The following VPS37A variants were observed in gnomAD, a reference collection of about 807,000 sequenced individuals.
VPS37A encodes the protein vacuolar protein sorting-associated protein 37A.
In VPS37A, 30 loss-of-function variants were observed where a neutral mutation model predicts 49.8. That is an observed-to-expected ratio of 0.60 (90% CI 0.45 to 0.82). VPS37A has a LOEUF of 0.82. Ranked by LOEUF, VPS37A falls within the 40% of genes least tolerant of loss-of-function variation. The pLI, the probability that VPS37A is intolerant of heterozygous loss-of-function variation, is 0.00. For missense variants in VPS37A, 593 were observed against 464.4 expected, an observed-to-expected ratio of 1.28 and a Z score of -2.55; for synonymous variants, 195 against 160.6, an observed-to-expected ratio of 1.21 and a Z score of -1.62.
intron 1 of VPS37A, among the ~76,000 whole-genome samples, chr8:17,259,653 A>C (rs80215772): frequency 0.027 from 4,061 of 152,204 alleles, 191 homozygotes; most frequent in African/African-American, 0.093. Flanking sequence ...TGATCTTTGC[A>C]TTACTGATAG....
At chr8:17,303,536 T>G (rs1294084255), downstream of VPS37A, among the ~76,000 whole-genome samples, 2 of 152,004 alleles carry the variant, frequency 1.3e-5, no homozygotes, top group African/African-American at 4.8e-5. Context: ...GGAAAAAACA[T>G]ACGTATCTAG....
At chr8:17,288,085 C>T (rs1815783421) in intron 11 of VPS37A, among the ~76,000 whole-genome samples, 1 of 152,144 alleles carries the variant, frequency 6.6e-6, no homozygotes, top group African/African-American at 2.4e-5. Context: ...AGGGTAGGGG[C>T]TGATTTTTGA....
chr8:17,247,714 T>G, intron 1 of VPS37A: 1 of 702,704 alleles, frequency 1.4e-6, no homozygotes, highest in Non-Finnish European at 2.6e-6. Flanking sequence ...TTTGCCCACC[T>G]GATTGCCGCG....
rs572664761 is a variant in VPS37A, at chr8:17,247,665, G to C, written c.125+296G>C. The C allele has an allele frequency of 1.4e-5, 10 of 703,676 alleles. No individual in the cohort carries two copies. In the African/African-American group the frequency reaches 1.6e-4, roughly 11 times the overall value. 43.6% of individuals were successfully genotyped at this position (703,676 alleles called of 1,614,324 possible). ...CAATCTCTCTCATAGTCTATTTCCA[G>C]TATCCCTTGCTGCCCAGGCTTCGCC... On this transcript the variant is annotated intron_variant, in intron 1 of 11. Transcript: ENST00000324849.
intron 1 of VPS37A, among the ~76,000 whole-genome samples, chr8:17,254,784 A>T (rs1302034796): frequency 6.6e-6 from 1 of 152,160 alleles, no homozygotes; most frequent in East Asian, 1.9e-4. Context: ...TCAAAACATC[A>T]CAAGTACCCC....
At chr8:17,310,532 G>C in the VPS37A span, among the ~76,000 whole-genome samples, 2 of 152,110 alleles carry the variant, frequency 1.3e-5, no homozygotes, top group Non-Finnish European at 2.9e-5. Flanking sequence ...TGTGTGACTG[G>C]CAACCTCTTT....
chr8:17,257,227 T>A (rs1333014705), intron 1 of VPS37A, among the ~76,000 whole-genome samples: 1 of 152,134 alleles, frequency 6.6e-6, no homozygotes, highest in African/African-American at 2.4e-5. Context: ...TTAAGATGAG[T>A]TGGCTGTAAA....
the VPS37A span, among the ~76,000 whole-genome samples, chr8:17,310,716 C>T: frequency 1.3e-5 from 2 of 152,112 alleles, no homozygotes; most frequent in Non-Finnish European, 2.9e-5. Flanking sequence ...CGCTCTTGTC[C>T]GAGGGTGTTG....
the VPS37A span, among the ~76,000 whole-genome samples, chr8:17,316,456 C>G: frequency 8.2e-6 from 1 of 122,348 alleles, no homozygotes; most frequent in African/African-American, 3.5e-5. Context: ...TATTTACAAA[C>G]AGTACAGTAA....
Position 17,274,907 on chromosome 8 carries a change from T to C in VPS37A, c.591T>C (p.Gly197=). The change falls in exon 5 of 12, where the codon GGT becomes GGC. Residue 197 remains glycine (G), a synonymous_variant. Coordinates refer to ENST00000324849, the MANE Select transcript of VPS37A (RefSeq NM_152415.3). ...TTAKPAAPSF[G]VLSNLPLPIP... ...CCAAGCCTGCCGCTCCTTCATTTGG[T>C]GTCCTTTCAAATCTGCCATTACCCA... The C allele has an allele frequency of 6.2e-7, 1 of 1,614,172 alleles. No individual in the cohort carries two copies. Among genetic ancestry groups the C allele is most frequent in the East Asian group, 2.2e-5 (1 of 44,862 alleles).
At position 17,247,603 on chromosome 8, in the gene VPS37A, C is replaced by T. The variant is rs1049541001; in HGVS notation, c.125+234C>T. On this transcript the variant is annotated intron_variant, in intron 1 of 11. Transcript: ENST00000324849. ...TCAGCGCTTCTAACTCGGATTTCCT[C>T]ATCCCTCCTGACACATAGCTGCTGA... 8.4e-6 allele frequency: 6 copies of T among 711,612 alleles called. No individual in the cohort carries two copies. In the Middle Eastern group the frequency reaches 6.8e-4, roughly 81 times the overall value. 44.1% of individuals were successfully genotyped at this position (711,612 alleles called of 1,614,324 possible). A position where few individuals can be genotyped will look rare whatever the true frequency, so the allele number is the denominator to read the frequency against.
At chr8:17,302,498 C>G (rs1304053887), downstream of VPS37A, 5 of 475,732 alleles carry the variant, frequency 1.1e-5, no homozygotes, top group East Asian at 6.6e-5. Context: ...TATGAAAAGT[C>G]TGCCTGTATA....
At position 17,247,186 on chromosome 8, in the gene VPS37A, G is replaced by A; in HGVS notation, c.-59G>A. ...TGTCGCTGGAGAACCGCCGGGCCGA[G>A]CCACTGGGAGAAGCAGGCCAGAGCC... On this transcript the variant is annotated 5_prime_UTR_variant, in exon 1 of 12. Transcript: ENST00000324849. 1.3e-6 allele frequency: 2 copies of A among 1,551,372 alleles called. No individual in the cohort carries two copies. The highest frequency in any genetic ancestry group is 8.7e-7 in the Non-Finnish European group (1 of 1,147,978).
At chr8:17,309,346 A>T in the VPS37A span, 2 of 1,516,200 alleles carry the variant, frequency 1.3e-6, no homozygotes, top group Non-Finnish European at 1.8e-6. Context: ...AAAGAATACA[A>T]ATATCTTGGA....
chr8:17,320,257 C>G, the VPS37A span, among the ~76,000 whole-genome samples: 1 of 152,126 alleles, frequency 6.6e-6, no homozygotes, highest in Non-Finnish European at 1.5e-5. Context: ...ACAGTATTGA[C>G]TTAGACTGCT....
intron 11 of VPS37A, among the ~76,000 whole-genome samples, chr8:17,289,859 TG>T (rs1162039684): frequency 3.3e-5 from 5 of 152,226 alleles, no homozygotes; most frequent in Admixed American, 1.3e-4. Flanking sequence ...TCCATTTGTT[TG>T]TGTCCTCTCT....
At chr8:17,313,259 G>C in the VPS37A span, 4 of 1,512,680 alleles carry the variant, frequency 2.6e-6, no homozygotes, top group Non-Finnish European at 3.7e-6. Flanking sequence ...TTGCTCATCT[G>C]TCCCTTAATT....
intron 11 of VPS37A, among the ~76,000 whole-genome samples, chr8:17,287,226 T>C (rs1477198318): frequency 2.6e-5 from 4 of 152,158 alleles, no homozygotes; most frequent in Non-Finnish European, 5.9e-5. Context: ...TTATGTTATT[T>C]GATAGGACAG....
intron 11 of VPS37A, 46 bp from the exon 12 acceptor site, chr8:17,294,941 T>A (rs1816509959): frequency 6.6e-6 from 1 of 152,298 alleles, no homozygotes; most frequent in Non-Finnish European, 1.5e-5. Context: ...AGATACATAT[T>A]CATCTTCTTA....
Sources: gnomAD v4.1 joint callset for allele counts (sites outside exome capture counted in the v4.1 genomes callset) on GRCh38, gnomAD v4.1.1 for gene constraint, MANE v1.5 for transcripts, NCBI Gene and HGNC (gene_info 2026-07-23, HGNC 2026-07-21) for gene names.